RNMT: variants seen among roughly 807,000 people sequenced by gnomAD.
The protein encoded by RNMT is mRNA cap guanine-N(7) methyltransferase.
RNMT carries 27 observed loss-of-function variants against 56.0 expected under a neutral mutation model. The ratio of observed to expected loss-of-function variants is 0.48; its 90% CI spans 0.36 to 0.67. RNMT has a LOEUF of 0.67. Ranked by LOEUF, RNMT falls within the 30% of genes least tolerant of loss-of-function variation. The probability of loss-of-function intolerance (pLI) is 0.00; values close to 1 mark genes in which losing one functional copy is unlikely to be tolerated. For synonymous variants in RNMT, 184 were observed against 176.2 expected (o/e 1.04, Z -0.35); for missense variants, 519 against 552.1 (o/e 0.94, Z 0.60).
intron 9 of RNMT, among the ~76,000 whole-genome samples, chr18:13,751,689 T>C (rs2044450318): frequency 6.6e-6 from 1 of 151,988 alleles, no homozygotes; most frequent in Non-Finnish European, 1.5e-5. Flanking sequence ...GCAGCACTGA[T>C]TCACAGTAGC....
intron 11 of RNMT, among the ~76,000 whole-genome samples, chr18:13,757,829 G>T (rs1413575039): frequency 6.6e-6 from 1 of 152,056 alleles, no homozygotes; most frequent in East Asian, 1.9e-4. Flanking sequence ...ATCCATCAGA[G>T]GAATCACTAT....
chr18:13,735,390 T>G (rs1175704065), intron 4 of RNMT, among the ~76,000 whole-genome samples: 1 of 152,190 alleles, frequency 6.6e-6, no homozygotes, highest in Non-Finnish European at 1.5e-5. Context: ...TAGGCTTACT[T>G]TGAACACATT....
intron 1 of RNMT, among the ~76,000 whole-genome samples, chr18:13,728,429 G>T (rs565117725): frequency 6.9e-6 from 1 of 145,170 alleles, no homozygotes; most frequent in African/African-American, 2.6e-5. Context: ...TCCACCTCCC[G>T]GGTTCAAGCG....
intron 6 of RNMT, 99 bp downstream of exon 6, chr18:13,740,378 T>C (rs754833005): frequency 1.6e-4 from 113 of 695,150 alleles, no homozygotes; most frequent in Non-Finnish European, 2.5e-4. Flanking sequence ...TTTAAAAAAA[T>C]TTACTCTTAT....
At chr18:13,737,472 G>T (rs1434497062) in intron 5 of RNMT, among the ~76,000 whole-genome samples, 1 of 152,068 alleles carries the variant, frequency 6.6e-6, no homozygotes, top group Non-Finnish European at 1.5e-5. Context: ...TTACCTGGGA[G>T]GTGAAGGTTA....
rs2044621098 is a variant in RNMT at position 13,761,620 on chromosome 18, A to C, written c.*1641A>C. ...CGATGGAGTAGCCAGTGGTAATACAAAGCAGGGAGAACAGAAAGGTAGAGT... is the reference window on the plus strand; with the variant it reads ...CGATGGAGTAGCCAGTGGTAATACACAGCAGGGAGAACAGAAAGGTAGAGT... On this transcript the variant is annotated 3_prime_UTR_variant, in exon 12 of 12. Coordinates refer to ENST00000383314, the MANE Select transcript of RNMT (RefSeq NM_003799.3). 1 of 1,000,358 alleles carries C rather than the reference A, an allele frequency of 1.0e-6. No individual in the cohort carries two copies. The highest frequency in any genetic ancestry group is 4.3e-5 in the South Asian group (1 of 23,262). 62.0% of individuals were successfully genotyped at this position (1,000,358 alleles called of 1,614,324 possible). A position where few individuals can be genotyped will look rare whatever the true frequency, so the allele number is the denominator to read the frequency against.
chr18:13,760,321 T>C lies in RNMT; in HGVS notation c.*342T>C, dbSNP rs2044604011. On this transcript the variant is annotated 3_prime_UTR_variant, in exon 12 of 12. Transcript: ENST00000383314. Reference sequence around the variant, plus strand: ...AGTGTTCAGATTTGTCCTGTGTGTGTTTACAGTATTCAATTTATTGCAGTT... The same window carrying C: ...AGTGTTCAGATTTGTCCTGTGTGTGCTTACAGTATTCAATTTATTGCAGTT... The C allele has an allele frequency of 9.7e-7, 1 of 1,034,368 alleles. No homozygotes were observed. Among genetic ancestry groups the C allele is most frequent in the East Asian group, 8.2e-5 (1 of 12,190 alleles). 64.1% of individuals were successfully genotyped at this position (1,034,368 alleles called of 1,614,324 possible).
chr18:13,731,927 A>G lies in RNMT; in HGVS notation c.410A>G (p.Lys137Arg). Residue 137 changes from lysine to arginine, a missense_variant, in exon 3 of 12, where the codon AAG becomes AGG. By Grantham distance (26) the Lys-to-Arg change is conservative. Coordinates refer to ENST00000383314, the MANE Select transcript of RNMT (RefSeq NM_003799.3). ...ATAGCACTTGAGGATGTTCCTGAAA[A>G]GCAGAAAGTATGTTCAGTGTATTTT... is the stretch of plus-strand genomic sequence containing the variant. Reference protein sequence around the residue: ...RKIALEDVPEKQKNLEEGHSS... With the variant: ...RKIALEDVPERQKNLEEGHSS... 1 of 1,588,458 alleles carries G rather than the reference A, an allele frequency of 6.3e-7. No homozygotes were observed. Among genetic ancestry groups the G allele is most frequent in the South Asian group, 1.2e-5 (1 of 86,192 alleles).
chr18:13,740,210 G>A lies in RNMT; in HGVS notation c.723G>A (p.Glu241=), dbSNP rs761939929. The change falls in exon 6 of 12, where the codon GAG becomes GAA. Residue 241 remains glutamate (E), a synonymous_variant. Transcript: ENST00000383314. ...VSVKQCQQRY[E]DMKNRRDSEY... ...TCAAACAGTGTCAGCAGCGGTATGA[G>A]GACATGAAAAATCGTCGTGATAGTG... 2 of 1,613,054 alleles carry A rather than the reference G, an allele frequency of 1.2e-6. No individual in the cohort carries two copies. Among genetic ancestry groups the A allele is most frequent in the East Asian group, 4.5e-5 (2 of 44,864 alleles).
chr18:13,761,276 G>C lies in RNMT; in HGVS notation c.*1297G>C. On this transcript the variant is annotated 3_prime_UTR_variant, in exon 12 of 12. Coordinates refer to ENST00000383314, the MANE Select transcript of RNMT (RefSeq NM_003799.3). ...AAGTGTTACCAGTTTACAAAAATAA[G>C]TCTTTTTGCCTTAAGTCATTTTGGA... 1.0e-6 allele frequency: 1 copy of C among 985,332 alleles called. No individual in the cohort carries two copies. The highest frequency in any genetic ancestry group is 1.2e-6 in the Non-Finnish European group (1 of 829,900). The allele number at this position is 985,332 out of a possible 1,614,324, so 61.0% of individuals were successfully genotyped here. A position where few individuals can be genotyped will look rare whatever the true frequency, so the allele number is the denominator to read the frequency against.
At chr18:13,742,129 A>G (rs1184144100) in intron 7 of RNMT, among the ~76,000 whole-genome samples, 1 of 152,192 alleles carries the variant, frequency 6.6e-6, no homozygotes, top group Non-Finnish European at 1.5e-5. Context: ...GCTTGAGGCC[A>G]GGAGTTTGAG....
chr18:13,756,763 G>T (rs572868348), intron 11 of RNMT, among the ~76,000 whole-genome samples: 1 of 152,280 alleles, frequency 6.6e-6, no homozygotes, highest in African/African-American at 2.4e-5. Context: ...AGTCTTGGGA[G>T]GCCATCAGGC....
chr18:13,735,656 T>C (rs1371286445), intron 4 of RNMT, among the ~76,000 whole-genome samples: 3 of 152,196 alleles, frequency 2.0e-5, no homozygotes, highest in Non-Finnish European at 4.4e-5. Flanking sequence ...TGAATACTTA[T>C]TTATTCATGT....
intron 5 of RNMT, among the ~76,000 whole-genome samples, chr18:13,738,852 A>G (rs772808453): frequency 6.6e-5 from 10 of 152,232 alleles, no homozygotes; most frequent in Non-Finnish European, 1.2e-4. Flanking sequence ...CCTTTTTGGC[A>G]CCAGGGGCCG....
At chr18:13,728,408 T>C (rs1186149528) in intron 1 of RNMT, among the ~76,000 whole-genome samples, 1 of 139,786 alleles carries the variant, frequency 7.2e-6, no homozygotes, top group East Asian at 2.2e-4. Context: ...TGATCTCAGC[T>C]CACTGCAACC....
intron 4 of RNMT, among the ~76,000 whole-genome samples, chr18:13,736,336 T>A (rs1360298015): frequency 6.6e-6 from 1 of 152,206 alleles, no homozygotes; most frequent in Admixed American, 6.5e-5. Context: ...GTTGAATACT[T>A]AACTTGCCTG....
chr18:13,759,929 A>T lies in RNMT; in HGVS notation c.1394-13A>T. The T allele has an allele frequency of 6.2e-7, 1 of 1,601,040 alleles. No homozygotes were observed. Among genetic ancestry groups the T allele is most frequent in the Non-Finnish European group, 8.6e-7 (1 of 1,168,696 alleles). Reference sequence around the variant, plus strand: ...CATATGAGAAACTGAACTCTTATTTATTTCTTCTTTAGGTATTTACTTGGT... The same window carrying T: ...CATATGAGAAACTGAACTCTTATTTTTTTCTTCTTTAGGTATTTACTTGGT... On this transcript the variant is annotated splice_polypyrimidine_tract_variant and intron_variant, in intron 11 of 11. Coordinates refer to ENST00000383314, the MANE Select transcript of RNMT (RefSeq NM_003799.3).
At position 13,764,093 on chromosome 18, in the gene RNMT, C is replaced by T. The variant is rs1356852502; in HGVS notation, c.*4114C>T. On this transcript the variant is annotated 3_prime_UTR_variant, in exon 12 of 12. Coordinates refer to ENST00000383314, the MANE Select transcript of RNMT (RefSeq NM_003799.3). ...GGGAGAGGGATTCTCTTCCCACCCTCACCATTTGCAAGTGGCAGGAGCTGA... is the reference window on the plus strand; with the variant it reads ...GGGAGAGGGATTCTCTTCCCACCCTTACCATTTGCAAGTGGCAGGAGCTGA... 2 of 152,198 alleles carry T rather than the reference C, an allele frequency of 1.3e-5. No homozygotes were observed. The highest frequency in any genetic ancestry group is 2.4e-5 in the African/African-American group (1 of 41,442). 9.4% of individuals were successfully genotyped at this position (152,198 alleles called of 1,614,324 possible).
Position 13,731,744 on chromosome 18 carries a change from A to T in RNMT, c.227A>T (p.Asp76Val), listed in dbSNP as rs2044073653. ...AAGGAAAGTTCTAGTTGTGGGAAAGACACTCCATCCAAGAAGAGAAAACTT... is the reference window on the plus strand; with the variant it reads ...AAGGAAAGTTCTAGTTGTGGGAAAGTCACTCCATCCAAGAAGAGAAAACTT... Reference protein sequence around the residue: ...LVKESSSCGKDTPSKKRKLDP... With the variant: ...LVKESSSCGKVTPSKKRKLDP... Residue 76 changes from aspartate (D) to valine (V), a missense_variant, in exon 3 of 12, where the codon GAC (aspartate) becomes GTC (valine). Transcript: ENST00000383314. 4 of 1,613,138 alleles carry T rather than the reference A, an allele frequency of 2.5e-6. No individual in the cohort carries two copies. Among genetic ancestry groups the T allele is most frequent in the Non-Finnish European group, 3.4e-6 (4 of 1,179,808 alleles).
Sources: allele counts gnomAD v4.1 joint callset (sites outside exome capture counted in the v4.1 genomes callset), GRCh38; gene constraint gnomAD v4.1.1; transcripts MANE v1.5; gene names NCBI Gene and HGNC (gene_info 2026-07-23, HGNC 2026-07-21).